NCEH1: variants seen among roughly 807,000 people sequenced by gnomAD.
NCEH1 encodes neutral cholesterol ester hydrolase 1, also known as 2-acetyl MAGE hydrolase.
Under a neutral mutation model 25.4 loss-of-function variants are expected in NCEH1, and 9 were observed. The observed-to-expected ratio is 0.35, with a 90% confidence interval of 0.21 to 0.62. The LOEUF (loss-of-function observed/expected upper bound fraction) is 0.62, where lower values mean the gene tolerates loss of function less well. Ranked by LOEUF, NCEH1 falls within the 20% of genes least tolerant of loss-of-function variation. NCEH1 has a pLI of 0.72. For missense variants in NCEH1, 412 were observed against 501.1 expected, an observed-to-expected ratio of 0.82 and a Z score of 1.70; for synonymous variants, 200 against 199.8, an observed-to-expected ratio of 1.00 and a Z score of -0.01.
chr3:172,690,402 G>A (rs370062007), intron 1 of NCEH1, among the ~76,000 whole-genome samples: 2 of 152,266 alleles, frequency 1.3e-5, no homozygotes, highest in South Asian at 4.1e-4. Flanking sequence ...TTAAGCCACT[G>A]AAGTAACAAG....
chr3:172,700,942 C>T (rs759943997), intron 1 of NCEH1, among the ~76,000 whole-genome samples: 2 of 151,502 alleles, frequency 1.3e-5, no homozygotes, highest in Non-Finnish European at 2.9e-5. Context: ...ATGAGGTATA[C>T]TAAAAAGTTA....
chr3:172,638,114 T>C (rs1467497206), intron 3 of NCEH1, among the ~76,000 whole-genome samples: 1 of 152,016 alleles, frequency 6.6e-6, no homozygotes, highest in East Asian at 1.9e-4. Flanking sequence ...CAAATGTTTG[T>C]GAAATACGTT....
Position 172,645,497 on chromosome 3 carries a change from G to A in NCEH1, c.437+126C>T. On this transcript the variant is annotated intron_variant, in intron 3 of 4. Transcript: ENST00000475381. ...TCTGATTATGCTGAGTGTGACTTTG[G>A]GCATATCTCTTTGCCAACTTGAGAC... 1.6e-5 allele frequency: 9 copies of A among 565,798 alleles called. No homozygotes were observed. The South Asian group carries it at 2.7e-4, about 17-fold the overall frequency. 35.0% of individuals were successfully genotyped at this position (565,798 alleles called of 1,614,324 possible). A position where few individuals can be genotyped will look rare whatever the true frequency, so the allele number is the denominator to read the frequency against.
chr3:172,648,749 T>A (rs1399353206), intron 1 of NCEH1, among the ~76,000 whole-genome samples: 1 of 152,122 alleles, frequency 6.6e-6, no homozygotes, highest in East Asian at 1.9e-4. Flanking sequence ...CAGAAGCTTT[T>A]TAGAAATGAG....
chr3:172,680,779 T>C (rs1218081986), intron 1 of NCEH1: 2 of 152,200 alleles, frequency 1.3e-5, no homozygotes, highest in Non-Finnish European at 2.9e-5. Flanking sequence ...GAGTCATAGA[T>C]TAAGCGTCGC....
intron 1 of NCEH1, among the ~76,000 whole-genome samples, chr3:172,648,491 G>T (rs1387683254): frequency 1.3e-5 from 2 of 151,870 alleles, no homozygotes; most frequent in East Asian, 3.9e-4. Context: ...TAGGAGTAAA[G>T]AAATAATACT....
chr3:172,643,302 G>A (rs1350230853), intron 3 of NCEH1, among the ~76,000 whole-genome samples: 4 of 151,998 alleles, frequency 2.6e-5, no homozygotes, highest in East Asian at 1.9e-4. Context: ...CGAACTCCTG[G>A]GCTCAAGTAA....
chr3:172,709,149 G>C (rs961237390), intron 1 of NCEH1, among the ~76,000 whole-genome samples: 3 of 152,204 alleles, frequency 2.0e-5, no homozygotes, highest in Non-Finnish European at 4.4e-5. Flanking sequence ...ACACAGCCTT[G>C]TCCTTAATGG....
Position 172,675,456 on chromosome 3 carries a change from G to A in NCEH1, c.139-27342C>T, listed in dbSNP as rs1711942494. Among the ~76,000 whole-genome samples, 4 of 151,378 alleles carry A rather than the reference G, an allele frequency of 2.6e-5. No homozygotes were observed. The South Asian group carries it at 8.4e-4, about 32-fold the overall frequency. ...TAAAAAATTTTACAAAAAAAAAAAG[G>A]ATTTTGTATGGTAAATACTTGTCAT... On this transcript the variant is annotated intron_variant, in intron 1 of 4. Transcript: ENST00000475381.
rs901604884 is a variant in NCEH1 at position 172,631,678 on chromosome 3, A to G, written c.*1797T>C. 10 of 152,634 alleles carry G rather than the reference A, an allele frequency of 6.6e-5. No individual in the cohort carries two copies. Among genetic ancestry groups the G allele is most frequent in the Non-Finnish European group, 1.3e-4 (9 of 68,048 alleles). The allele number at this position is 152,634 out of a possible 1,614,324, so 9.5% of individuals were successfully genotyped here. ...GGCACACATACATACTGTTGCATTG[A>G]CTTCTGTTTTGTACATAAAATGCTA... On this transcript the variant is annotated 3_prime_UTR_variant, in exon 5 of 5. Coordinates refer to ENST00000475381, the MANE Select transcript of NCEH1 (RefSeq NM_020792.6).
At chr3:172,688,169 T>C (rs1712803829) in intron 1 of NCEH1, among the ~76,000 whole-genome samples, 1 of 151,938 alleles carries the variant, frequency 6.6e-6, no homozygotes. Context: ...ACCCCGTCTC[T>C]ACTAAAAACA....
chr3:172,661,570 C>T (rs1245487744), intron 1 of NCEH1, among the ~76,000 whole-genome samples: 1 of 152,106 alleles, frequency 6.6e-6, no homozygotes, highest in Non-Finnish European at 1.5e-5. Context: ...GGCAGTATGG[C>T]CATTTTCACA....
intron 1 of NCEH1, among the ~76,000 whole-genome samples, chr3:172,668,918 A>C (rs1718355541): frequency 6.6e-6 from 1 of 151,992 alleles, no homozygotes; most frequent in Admixed American, 6.6e-5. Flanking sequence ...CAAAAACTGA[A>C]TGGGCTGGCT....
chr3:172,677,399 A>T (rs1379471691), intron 1 of NCEH1, among the ~76,000 whole-genome samples: 1 of 152,260 alleles, frequency 6.6e-6, no homozygotes, highest in Admixed American at 6.5e-5. Flanking sequence ...CCTTTTGTAC[A>T]CATTCACATG....
chr3:172,633,390 A>C lies in NCEH1; in HGVS notation c.*85T>G, dbSNP rs1716452140. The C allele has an allele frequency of 7.9e-7, 1 of 1,272,314 alleles. No homozygotes were observed. The highest frequency in any genetic ancestry group is 1.5e-5 in the African/African-American group (1 of 66,962). The allele number at this position is 1,272,314 out of a possible 1,614,324, so 78.8% of individuals were successfully genotyped here. ...GCAAGTAGAGGGGAATGGGAGGAAG[A>C]ATTAGTCAACTAAAAAGTGCATGTC... On this transcript the variant is annotated 3_prime_UTR_variant, in exon 5 of 5. Transcript: ENST00000475381.
intron 1 of NCEH1, among the ~76,000 whole-genome samples, chr3:172,655,186 G>A (rs140900364): frequency 2.4e-3 from 367 of 152,278 alleles, no homozygotes; most frequent in Middle Eastern, 0.01. Context: ...TTGTGTTAAG[G>A]GCCCTGTGAG....
chr3:172,693,346 G>A (rs778836930), intron 1 of NCEH1, among the ~76,000 whole-genome samples: 14 of 151,958 alleles, frequency 9.2e-5, no homozygotes, highest in Non-Finnish European at 1.3e-4. Context: ...CAAACCGTGT[G>A]CACACAAAGC....
intron 1 of NCEH1, among the ~76,000 whole-genome samples, chr3:172,705,550 G>A (rs1033735419): frequency 3.3e-5 from 5 of 152,174 alleles, no homozygotes; most frequent in African/African-American, 1.2e-4. Context: ...GTAGGCAGTT[G>A]TGATTTTCCT....
intron 3 of NCEH1, among the ~76,000 whole-genome samples, chr3:172,639,848 C>T (rs927851588): frequency 6.6e-6 from 1 of 152,102 alleles, no homozygotes; most frequent in African/African-American, 2.4e-5. Context: ...GGTGAGGTAC[C>T]TTGCCAAATG....
Sources: gnomAD v4.1 joint callset for allele counts (sites outside exome capture counted in the v4.1 genomes callset) on GRCh38, gnomAD v4.1.1 for gene constraint, MANE v1.5 for transcripts, NCBI Gene and HGNC (gene_info 2026-07-23, HGNC 2026-07-21) for gene names.